GALNT17: variants seen among roughly 807,000 people sequenced by gnomAD.
GALNT17 encodes the protein UDP-GalNAc:polypeptide N-acetylgalactosaminyltransferase-like 3.
A neutral mutation model predicts 63.7 loss-of-function variants in GALNT17; 29 were observed. That is an observed-to-expected ratio of 0.46 (90% CI 0.34 to 0.62). The LOEUF (loss-of-function observed/expected upper bound fraction) is 0.62, where lower values mean the gene tolerates loss of function less well. Ranked by LOEUF, GALNT17 falls within the 20% of genes least tolerant of loss-of-function variation. The pLI is 0.01. For missense variants in GALNT17, 603 were observed against 799.6 expected (o/e 0.75, Z 2.97); for synonymous variants, 305 against 318.3 (o/e 0.96, Z 0.45).
intron 1 of GALNT17, among the ~76,000 whole-genome samples, chr7:71,177,855 A>G (rs1788666665): frequency 6.6e-6 from 1 of 152,200 alleles, no homozygotes; most frequent in African/African-American, 2.4e-5. Context: ...GCTATCCAAA[A>G]TCAATCTAGA....
chr7:71,599,239 A>G (rs1789931059), intron 6 of GALNT17, among the ~76,000 whole-genome samples: 1 of 152,234 alleles, frequency 6.6e-6, no homozygotes, highest in Non-Finnish European at 1.5e-5. Flanking sequence ...GGTTAGGGAC[A>G]GAGCCTAAGA....
intron 1 of GALNT17, among the ~76,000 whole-genome samples, chr7:71,207,936 T>C (rs899261665): frequency 2.6e-5 from 4 of 151,444 alleles, no homozygotes; most frequent in Non-Finnish European, 4.4e-5. Context: ...TTTTTCTTTT[T>C]TCTTTTTTTT....
At chr7:71,232,730 C>G (rs535103226) in intron 1 of GALNT17, among the ~76,000 whole-genome samples, 8 of 152,214 alleles carry the variant, frequency 5.3e-5, no homozygotes, top group Admixed American at 5.2e-4. Context: ...TGCTGCAGTT[C>G]TATTTATACC....
At chr7:71,287,013 C>T (rs927725011) in intron 1 of GALNT17, among the ~76,000 whole-genome samples, 1 of 151,928 alleles carries the variant, frequency 6.6e-6, no homozygotes, top group African/African-American at 2.4e-5. Flanking sequence ...GGGCTAGTCT[C>T]GTACTCCTGG....
intron 1 of GALNT17, among the ~76,000 whole-genome samples, chr7:71,243,919 C>A (rs1286132488): frequency 6.6e-6 from 1 of 151,948 alleles, no homozygotes; most frequent in East Asian, 1.9e-4. Context: ...TTGTGGAAGC[C>A]AGATTGAAGT....
At chr7:71,326,722 G>C (rs971998767) in intron 1 of GALNT17, among the ~76,000 whole-genome samples, 2 of 152,122 alleles carry the variant, frequency 1.3e-5, no homozygotes, top group East Asian at 1.9e-4. Flanking sequence ...ATTAATATGA[G>C]ATGTCTACTT....
At chr7:71,323,305 A>C (rs185313713) in intron 1 of GALNT17, among the ~76,000 whole-genome samples, 193 of 152,312 alleles carry the variant, frequency 1.3e-3, no homozygotes, top group Middle Eastern at 6.8e-3. Flanking sequence ...CTGGGAGAAT[A>C]CAGTATAAGC....
At chr7:71,560,374 G>T (rs2116851849) in intron 5 of GALNT17, among the ~76,000 whole-genome samples, 1 of 152,136 alleles carries the variant, frequency 6.6e-6, no homozygotes, top group African/African-American at 2.4e-5. Flanking sequence ...CGCAAAACAG[G>T]ATCCATTTGC....
intron 1 of GALNT17, among the ~76,000 whole-genome samples, chr7:71,241,524 A>G (rs1789996531): frequency 1.3e-5 from 2 of 152,186 alleles, no homozygotes; most frequent in South Asian, 2.1e-4. Context: ...TCCATTTCCA[A>G]TTTTGCTCTT....
At chr7:71,452,541 G>A (rs528564533) in intron 5 of GALNT17, among the ~76,000 whole-genome samples, 3 of 152,072 alleles carry the variant, frequency 2.0e-5, no homozygotes, top group Non-Finnish European at 4.4e-5. Context: ...GAGAGACTCC[G>A]TCTCAAAAAA....
chr7:71,142,241 T>C (rs1787910815), intron 1 of GALNT17, among the ~76,000 whole-genome samples: 2 of 152,128 alleles, frequency 1.3e-5, no homozygotes, highest in Non-Finnish European at 2.9e-5. Context: ...GTCATTGTTA[T>C]TTGCTTTGTG....
Position 71,655,572 on chromosome 7 carries a change from GC to G in GALNT17, c.1081-9834del, listed in dbSNP as rs373870862. Among the ~76,000 whole-genome samples, 7 of 152,330 alleles carry G rather than the reference GC, an allele frequency of 4.6e-5. No homozygotes were observed. In the East Asian group the frequency reaches 9.7e-4, roughly 21 times the overall value. ...AGAGCTGAAAGAAACCTCAGAGATA[GC>G]CCCCTGTCATTTACAGATGAGAAAA... On this transcript the variant is annotated intron_variant, in intron 6 of 10. Transcript: ENST00000333538.
At chr7:71,429,007 A>G (rs985235284) in intron 5 of GALNT17, among the ~76,000 whole-genome samples, 10 of 152,182 alleles carry the variant, frequency 6.6e-5, no homozygotes, top group African/African-American at 2.4e-4. Context: ...GCTTCTGGGA[A>G]ACCCTCCTGA....
At position 71,394,721 on chromosome 7, in the gene GALNT17, C is replaced by T. The variant is rs562278677; in HGVS notation, c.589+6320C>T. 2.6e-5 allele frequency among the ~76,000 whole-genome samples: 4 copies of T among 152,284 alleles called. No individual in the cohort carries two copies. The South Asian group carries it at 8.3e-4, about 32-fold the overall frequency. On this transcript the variant is annotated intron_variant, in intron 3 of 10. Transcript: ENST00000333538. Reference sequence around the variant, plus strand: ...GGTATCACAGTCATAATACTTGACACACTCCATCACTGGTTCATGCATAGC... The same window carrying T: ...GGTATCACAGTCATAATACTTGACATACTCCATCACTGGTTCATGCATAGC...
chr7:71,262,014 G>A (rs4719096), intron 1 of GALNT17, among the ~76,000 whole-genome samples: 122,077 of 152,170 alleles, frequency 0.8, 49,118 homozygotes, highest in East Asian at 0.92. Flanking sequence ...ACCTGAGCGT[G>A]CACCTAGGAG....
intron 5 of GALNT17, 34 bp from the exon 6 acceptor site, chr7:71,571,251 C>T: frequency 6.3e-7 from 1 of 1,597,784 alleles, no homozygotes; most frequent in Non-Finnish European, 8.6e-7. Context: ...GCACTGACAC[C>T]TCAATGAGCT....
At chr7:71,358,890 C>T (rs1339760784) in intron 2 of GALNT17, among the ~76,000 whole-genome samples, 1 of 152,090 alleles carries the variant, frequency 6.6e-6, no homozygotes, top group Non-Finnish European at 1.5e-5. Context: ...TCTCCTGCCT[C>T]AGACTCCTGA....
intron 5 of GALNT17, among the ~76,000 whole-genome samples, chr7:71,547,957 G>C (rs2116823204): frequency 6.6e-6 from 1 of 152,232 alleles, no homozygotes; most frequent in East Asian, 1.9e-4. Flanking sequence ...GTTGGGTGCG[G>C]TGGCTCTTGC....
At chr7:71,353,079 G>T (rs963397228) in intron 2 of GALNT17, among the ~76,000 whole-genome samples, 1 of 151,916 alleles carries the variant, frequency 6.6e-6, no homozygotes, top group Non-Finnish European at 1.5e-5. Flanking sequence ...GCTAGCCTGA[G>T]GGCTTTGGGG....
Sources: allele counts gnomAD v4.1 joint callset (sites outside exome capture counted in the v4.1 genomes callset), GRCh38; gene constraint gnomAD v4.1.1; transcripts MANE v1.5; gene names NCBI Gene and HGNC (gene_info 2026-07-23, HGNC 2026-07-21).